MATN4: variants seen among roughly 807,000 people sequenced by gnomAD.
MATN4 encodes matrilin 4, also known as matrilin-4.
Under a neutral mutation model 54.6 loss-of-function variants are expected in MATN4, and 40 were observed. The observed-to-expected ratio is 0.73, with a 90% CI of 0.57 to 0.95. The LOEUF (loss-of-function observed/expected upper bound fraction) is 0.95, where lower values mean the gene tolerates loss of function less well. Among genes scored for constraint, MATN4 ranks in the 40% least tolerant of loss-of-function variants. The pLI, the probability that MATN4 is intolerant of heterozygous loss-of-function variation, is 0.00. For synonymous variants in MATN4, 351 were observed against 345.3 expected (o/e 1.02, Z -0.18); for missense variants, 810 against 819.1 (o/e 0.99, Z 0.13).
At chr20:45,305,093 G>A (rs1275309585) in intron 2 of MATN4, among the ~76,000 whole-genome samples, 1 of 152,170 alleles carries the variant, frequency 6.6e-6, no homozygotes, top group Non-Finnish European at 1.5e-5. Flanking sequence ...GAACATGGAT[G>A]AACTGGTTGG....
Position 45,296,336 on chromosome 20 carries a change from CA to C in MATN4, c.1579+1581del, listed in dbSNP as rs1445878690. 4.0e-5 allele frequency among the ~76,000 whole-genome samples: 6 copies of C among 148,358 alleles called. No homozygotes were observed. The East Asian group carries it at 1.2e-3, about 29-fold the overall frequency. On this transcript the variant is annotated intron_variant, in intron 8 of 9. Coordinates refer to ENST00000372756, the MANE Select transcript of MATN4 (RefSeq NM_001393530.1). ...ATTACACGTGGTGAAATAATAAGCA[CA>C]ATACCTGCCATTTAACCTTTGAAAA...
chr20:45,307,873 C>T (rs535626672), intron 1 of MATN4, among the ~76,000 whole-genome samples: 14 of 152,112 alleles, frequency 9.2e-5, no homozygotes, highest in African/African-American at 3.4e-4. Context: ...CAGAGATGCC[C>T]TGAGGTGAGG....
At chr20:45,308,444 C>G, upstream of MATN4, 1 of 579,316 alleles carries the variant, frequency 1.7e-6, no homozygotes, top group Non-Finnish European at 3.1e-6. Context: ...GCTCCTACCA[C>G]GCTTGGAGCT....
chr20:45,296,925 G>A (rs575452769), intron 8 of MATN4, among the ~76,000 whole-genome samples: 2 of 151,582 alleles, frequency 1.3e-5, no homozygotes, highest in South Asian at 2.1e-4. Context: ...GTGCAATCTC[G>A]GCTCACTGCA....
chr20:45,308,241 A>G lies in MATN4; in HGVS notation c.-101T>C. 2 of 1,612,182 alleles carry G rather than the reference A, an allele frequency of 1.2e-6. No homozygotes were observed. Among genetic ancestry groups the G allele is most frequent in the Non-Finnish European group, 1.7e-6 (2 of 1,178,260 alleles). On this transcript the variant is annotated 5_prime_UTR_variant, in exon 1 of 10. Transcript: ENST00000372756. ...AGCCGACAGGCGGAGCCTCCCGGGCACTTGGACCAGGTAACGGCGGCGTGG... is the reference window on the plus strand; with the variant it reads ...AGCCGACAGGCGGAGCCTCCCGGGCGCTTGGACCAGGTAACGGCGGCGTGG...
intron 6 of MATN4, 130 bp downstream of exon 6, chr20:45,300,757 T>C: frequency 8.8e-7 from 1 of 1,134,110 alleles, no homozygotes. Flanking sequence ...CACCCTCCAA[T>C]GTCACCCCCA....
intron 1 of MATN4, among the ~76,000 whole-genome samples, chr20:45,306,438 G>A (rs1986679562): frequency 1.3e-5 from 2 of 152,166 alleles, no homozygotes; most frequent in South Asian, 4.1e-4. Context: ...TCTGCAGACA[G>A]AAGCCCTTCC....
chr20:45,297,559 C>A (rs1206677684), intron 8 of MATN4, among the ~76,000 whole-genome samples: 1 of 152,150 alleles, frequency 6.6e-6, no homozygotes, highest in Non-Finnish European at 1.5e-5. Context: ...CAAATGCTGT[C>A]TGGTGTGCCT....
rs370283338 is a variant in MATN4, at chr20:45,300,921, C to T, written c.978G>A (p.Gly326=). 8 of 1,613,492 alleles carry T rather than the reference C, an allele frequency of 5.0e-6. No homozygotes were observed. Among genetic ancestry groups the T allele is most frequent in the Middle Eastern group, 1.8e-4 (1 of 5,592 alleles). The stretch of plus-strand genomic sequence containing the variant: ...TCTTGCCATCTGCCTGAAGTTGCCG[C>T]CCCTCGGGGCACAGGCAGCGGTAGG... ...GLSYRCLCPE[G]RQLQADGKSC... The change falls in exon 6 of 10, where the codon GGG becomes GGA. Residue 326 remains glycine (G), a synonymous_variant. Coordinates refer to ENST00000372756, the MANE Select transcript of MATN4 (RefSeq NM_001393530.1).
chr20:45,308,319 G>C, upstream of MATN4: 1 of 1,089,676 alleles, frequency 9.2e-7, no homozygotes, highest in Non-Finnish European at 1.4e-6. Context: ...AGAGGCAACG[G>C]CCGCATTTAA....
intron 1 of MATN4, among the ~76,000 whole-genome samples, chr20:45,305,842 C>G (rs1428725453): frequency 2.1e-5 from 1 of 47,276 alleles, no homozygotes; most frequent in Non-Finnish European, 3.7e-5. Flanking sequence ...CTTGCTCTGT[C>G]GTCCCGGCTG....
In MATN4 at chr20:45,297,973, CG is replaced by C; in HGVS notation, c.1523del (p.Pro508ArgfsTer6). 1.9e-6 allele frequency: 3 copies of C among 1,614,176 alleles called. No homozygotes were observed. Among genetic ancestry groups the C allele is most frequent in the Non-Finnish European group, 2.5e-6 (3 of 1,180,022 alleles). Reference sequence around the variant, plus strand: ...GCAGGTGCGTCATGGTGCCGAAGTCCGGGGCATAGGACACGTGCAGTTCCGC... The same window carrying C: ...GCAGGTGCGTCATGGTGCCGAAGTCCGGGCATAGGACACGTGCAGTTCCGC... ...EPAELHVSYA[P>X]DFGTMTHLLE... On this transcript the variant is annotated frameshift_variant, in exon 8 of 10. Coordinates refer to ENST00000372756, the MANE Select transcript of MATN4 (RefSeq NM_001393530.1). LOFTEE classifies it high-confidence loss of function.
At chr20:45,295,493 T>C (rs1985755430) in intron 8 of MATN4, among the ~76,000 whole-genome samples, 1 of 152,234 alleles carries the variant, frequency 6.6e-6, no homozygotes, top group Admixed American at 6.5e-5. Context: ...GTTCAAGTGA[T>C]TCTCCTGCCT....
At chr20:45,301,289 G>C in intron 4 of MATN4, 32 bp downstream of exon 4, 2 of 1,614,058 alleles carry the variant, frequency 1.2e-6, no homozygotes, top group Non-Finnish European at 1.7e-6. Flanking sequence ...CCACAGTCCA[G>C]GGTGTGGTGG....
chr20:45,300,941 G>C lies in MATN4; in HGVS notation c.958C>G (p.Arg320Gly). 6.2e-7 allele frequency: 1 copy of C among 1,613,958 alleles called. No homozygotes were observed. The highest frequency in any genetic ancestry group is 1.1e-5 in the South Asian group (1 of 91,052). Reference sequence around the variant, plus strand: ...TGCCGCCCCTCGGGGCACAGGCAGCGGTAGGAGAGGCCCTCGCTCACACAC... The same window carrying C: ...TGCCGCCCCTCGGGGCACAGGCAGCCGTAGGAGAGGCCCTCGCTCACACAC... ...FQCVSEGLSY[R>G]CLCPEGRQLQ... Residue 320 changes from arginine (R) to glycine (G), a missense_variant, in exon 6 of 10, where the codon CGC (arginine) becomes GGC (glycine). Physicochemically the swap from Arg to Gly is moderately radical, Grantham distance 125. Transcript: ENST00000372756.
At chr20:45,297,577 A>C (rs1985923035) in intron 8 of MATN4, among the ~76,000 whole-genome samples, 1 of 152,170 alleles carries the variant, frequency 6.6e-6, no homozygotes. Flanking sequence ...CCTTCAAAAA[A>C]ATTTCCCAAA....
At chr20:45,307,448 C>G (rs1451832896) in intron 1 of MATN4, among the ~76,000 whole-genome samples, 1 of 152,146 alleles carries the variant, frequency 6.6e-6, no homozygotes, top group African/African-American at 2.4e-5. Flanking sequence ...TGTGGCAGCG[C>G]TGGTGGAAGT....
At chr20:45,307,849 A>C (rs1986868506) in intron 1 of MATN4, among the ~76,000 whole-genome samples, 1 of 152,144 alleles carries the variant, frequency 6.6e-6, no homozygotes, top group African/African-American at 2.4e-5. Flanking sequence ...CCTTGCATTA[A>C]AAAAAGAAAG....
In MATN4 at chr20:45,299,542, A is replaced by G. The variant is rs556955621; in HGVS notation, c.1013-959T>C. 2.6e-5 allele frequency among the ~76,000 whole-genome samples: 4 copies of G among 152,180 alleles called. No individual in the cohort carries two copies. The South Asian group carries it at 8.3e-4, about 32-fold the overall frequency. ...GTGAGATCTTTGGAGGTTAATTAGGATTAGATGAGGACATGAGGGTACAGC... is the reference window on the plus strand; with the variant it reads ...GTGAGATCTTTGGAGGTTAATTAGGGTTAGATGAGGACATGAGGGTACAGC... On this transcript the variant is annotated intron_variant, in intron 6 of 9. Coordinates refer to ENST00000372756, the MANE Select transcript of MATN4 (RefSeq NM_001393530.1).
Sources: allele counts gnomAD v4.1 joint callset (sites outside exome capture counted in the v4.1 genomes callset), GRCh38; gene constraint gnomAD v4.1.1; transcripts MANE v1.5; gene names NCBI Gene and HGNC (gene_info 2026-07-23, HGNC 2026-07-21).